Variants in RGS7 observed in about 807,000 individuals in gnomAD.
RGS7 encodes regulator of G protein signaling 7.
RGS7 carries 27 observed loss-of-function variants against 81.1 expected under a neutral mutation model. The ratio of observed to expected loss-of-function variants is 0.33; its 90% CI spans 0.25 to 0.46. The LOEUF (loss-of-function observed/expected upper bound fraction) is 0.46. Ranked by LOEUF, RGS7 falls within the 20% of genes least tolerant of loss-of-function variation. The probability of loss-of-function intolerance (pLI) is 1.00; values close to 1 mark genes in which losing one functional copy is unlikely to be tolerated. For synonymous variants in RGS7, 208 were observed against 207.7 expected (o/e 1.00, Z -0.01); for missense variants, 396 against 607.4 (o/e 0.65, Z 3.66).
intron 10 of RGS7, among the ~76,000 whole-genome samples, chr1:240,817,543 GACTCTGTATCTGC>G (rs150584674): frequency 0.047 from 7,176 of 152,150 alleles, 547 homozygotes; most frequent in African/African-American, 0.16. Context: ...TATCTGTCTT[GACTCTGTATCTGC>G]ACCTTTTGGA....
At chr1:241,289,316 T>C (rs1322525967) in intron 2 of RGS7, among the ~76,000 whole-genome samples, 1 of 152,190 alleles carries the variant, frequency 6.6e-6, no homozygotes, top group Non-Finnish European at 1.5e-5. Context: ...ACCTGCTTTA[T>C]CTAGCAAATG....
At chr1:241,266,939 G>C (rs975868407) in intron 2 of RGS7, among the ~76,000 whole-genome samples, 7 of 152,164 alleles carry the variant, frequency 4.6e-5, no homozygotes, top group Non-Finnish European at 1.0e-4. Flanking sequence ...CTATAATTCA[G>C]ACATTTGGCC....
chr1:240,909,629 G>A (rs969692430), intron 6 of RGS7, among the ~76,000 whole-genome samples: 2 of 152,200 alleles, frequency 1.3e-5, no homozygotes, highest in African/African-American at 2.4e-5. Flanking sequence ...AGGAGATACA[G>A]TTATGAAAGG....
intron 5 of RGS7, among the ~76,000 whole-genome samples, chr1:240,931,259 T>G (rs1389607765): frequency 6.6e-6 from 1 of 152,214 alleles, no homozygotes; most frequent in Non-Finnish European, 1.5e-5. Context: ...GCTCCATTAG[T>G]CATATAATTC....
rs114754547 is a variant in RGS7, at chr1:240,954,909, A to G, written c.227-18203T>C. On this transcript the variant is annotated intron_variant, in intron 4 of 18. Transcript: ENST00000440928. ...AGGTAGAATATCAAGTTTATAGGAT[A>G]CAAGCTCCATAAATAAAAGTTAATT... 3.6e-3 allele frequency among the ~76,000 whole-genome samples: 548 copies of G among 152,330 alleles called. 5 individuals are homozygous for G. Among genetic ancestry groups the G allele is most frequent in the African/African-American group, 0.012 (519 of 41,580 alleles).
intron 2 of RGS7, among the ~76,000 whole-genome samples, chr1:241,283,549 T>A (rs1458993712): frequency 6.6e-6 from 1 of 151,586 alleles, no homozygotes; most frequent in African/African-American, 2.4e-5. Context: ...TGAAAATTTT[T>A]AAGATTTTTT....
At chr1:241,290,753 C>T (rs2079044948) in intron 2 of RGS7, among the ~76,000 whole-genome samples, 1 of 152,060 alleles carries the variant, frequency 6.6e-6, no homozygotes, top group South Asian at 2.1e-4. Flanking sequence ...GACAAATTAC[C>T]ATAAACTCTC....
intron 2 of RGS7, among the ~76,000 whole-genome samples, chr1:241,117,616 T>C (rs2065962041): frequency 1.3e-5 from 2 of 152,158 alleles, no homozygotes; most frequent in Non-Finnish European, 2.9e-5. Context: ...ATGAGAAAAC[T>C]CCTGGTTAAT....
At chr1:241,215,804 T>G (rs899116732) in intron 2 of RGS7, among the ~76,000 whole-genome samples, 3 of 152,026 alleles carry the variant, frequency 2.0e-5, no homozygotes, top group African/African-American at 7.2e-5. Context: ...GAAAATTCTC[T>G]TTCTATTTTT....
At chr1:241,217,879 A>G (rs2074665946) in intron 2 of RGS7, among the ~76,000 whole-genome samples, 1 of 152,234 alleles carries the variant, frequency 6.6e-6, no homozygotes, top group Admixed American at 6.5e-5. Context: ...ACCTTTCAGG[A>G]GGCTTTCAAT....
chr1:241,091,906 C>A (rs966608476), intron 3 of RGS7, among the ~76,000 whole-genome samples: 1 of 151,816 alleles, frequency 6.6e-6, no homozygotes, highest in Non-Finnish European at 1.5e-5. Flanking sequence ...AACCAAAAAA[C>A]CAACTTTATT....
intron 6 of RGS7, among the ~76,000 whole-genome samples, chr1:240,913,202 T>G (rs1304063344): frequency 5.9e-5 from 9 of 152,264 alleles, no homozygotes; most frequent in Admixed American, 4.6e-4. Flanking sequence ...TTTCAGAATA[T>G]TTTAATCTCC....
intron 6 of RGS7, among the ~76,000 whole-genome samples, chr1:240,905,219 C>A (rs1355784026): frequency 1.3e-5 from 2 of 152,048 alleles, no homozygotes; most frequent in Non-Finnish European, 2.9e-5. Flanking sequence ...AAAAAAAAAT[C>A]TTATGTTCCA....
chr1:241,298,035 G>A (rs2079528408), intron 2 of RGS7, among the ~76,000 whole-genome samples: 1 of 152,150 alleles, frequency 6.6e-6, no homozygotes, highest in African/African-American at 2.4e-5. Context: ...TTAAAAGTCA[G>A]TGAGAAAACC....
intron 4 of RGS7, among the ~76,000 whole-genome samples, chr1:240,937,888 T>C (rs1676909355): frequency 6.6e-6 from 1 of 152,220 alleles, no homozygotes; most frequent in African/African-American, 2.4e-5. Context: ...AAGAGATTTA[T>C]TGGACAATGT....
At chr1:241,025,837 A>G (rs2059755017) in intron 3 of RGS7, among the ~76,000 whole-genome samples, 1 of 152,216 alleles carries the variant, frequency 6.6e-6, no homozygotes, top group East Asian at 1.9e-4. Context: ...TTCACAAAAT[A>G]TGATTGACAG....
At chr1:241,192,063 T>C (rs1021230034) in intron 2 of RGS7, among the ~76,000 whole-genome samples, 1 of 152,200 alleles carries the variant, frequency 6.6e-6, no homozygotes, top group Non-Finnish European at 1.5e-5. Flanking sequence ...GCCAAACTTC[T>C]TTCTGTGGTG....
At chr1:241,022,727 C>A (rs1031819090) in intron 3 of RGS7, among the ~76,000 whole-genome samples, 8 of 152,188 alleles carry the variant, frequency 5.3e-5, no homozygotes, top group Non-Finnish European at 1.2e-4. Flanking sequence ...AATATTAACT[C>A]CATCTCCAAC....
chr1:241,052,020 T>C (rs2061277464), intron 3 of RGS7, among the ~76,000 whole-genome samples: 1 of 152,170 alleles, frequency 6.6e-6, no homozygotes, highest in South Asian at 2.1e-4. Context: ...CTAGGAATCC[T>C]TGCTAAGCTT....
Sources: allele counts gnomAD v4.1 joint callset (sites outside exome capture counted in the v4.1 genomes callset), GRCh38; gene constraint gnomAD v4.1.1; transcripts MANE v1.5; gene names NCBI Gene and HGNC (gene_info 2026-07-23, HGNC 2026-07-21).